RIF1: variants seen among roughly 807,000 people sequenced by gnomAD.
RIF1 encodes the protein telomere-associated protein RIF1.
Under a neutral mutation model 247.1 loss-of-function variants are expected in RIF1, and 45 were observed. The ratio of observed to expected loss-of-function variants is 0.18; its 90% CI spans 0.14 to 0.23. The LOEUF (loss-of-function observed/expected upper bound fraction) is 0.23, where lower values mean the gene tolerates loss of function less well. Ranked by LOEUF, RIF1 falls within the 10% of genes least tolerant of loss-of-function variation. The probability of loss-of-function intolerance (pLI) is 1.00; values close to 1 mark genes in which losing one functional copy is unlikely to be tolerated. For missense variants in RIF1, 2,967 were observed against 2,862.5 expected (o/e 1.04, Z -0.83); for synonymous variants, 1,087 against 978.8 (o/e 1.11, Z -2.06).
chr2:151,526,862 C>G, the RIF1 span: 1 of 1,237,950 alleles, frequency 8.1e-7, no homozygotes, highest in African/African-American at 1.5e-5. Context: ...GGGGACTGTA[C>G]CATGGAAGAT....
chr2:151,426,332 G>A (rs1008085708), intron 8 of RIF1, among the ~76,000 whole-genome samples: 175 of 151,282 alleles, frequency 1.2e-3, no homozygotes, highest in African/African-American at 3.6e-3. Context: ...ACGCCACCAC[G>A]CCCAGCTAAA....
Position 151,465,319 on chromosome 2 carries a change from C to A in RIF1, c.5799C>A (p.Thr1933=), listed in dbSNP as rs1696733534. 1 of 1,613,454 alleles carries A rather than the reference C, an allele frequency of 6.2e-7. No homozygotes were observed. Among genetic ancestry groups the A allele is most frequent in the African/African-American group, 1.3e-5 (1 of 74,840 alleles). The change falls in exon 30 of 36, where the codon ACC becomes ACA. Residue 1933 remains threonine (T), a synonymous_variant. Coordinates refer to ENST00000444746, the MANE Select transcript of RIF1 (RefSeq NM_018151.5). ...NEASFHGQER[T]KTGISEEAAI... ...CTAGCTTTCATGGACAAGAGAGAAC[C>A]AAAACTGGTATTTCTGAAGAAGCAG...
At chr2:151,514,379 G>T in the RIF1 span, 1 of 1,613,812 alleles carries the variant, frequency 6.2e-7, no homozygotes, top group Non-Finnish European at 8.5e-7. Flanking sequence ...TTCCATTTCA[G>T]TGAGGCCCTT....
intron 8 of RIF1, chr2:151,423,405 A>G (rs1000749025): frequency 1.1e-5 from 2 of 179,860 alleles, no homozygotes; most frequent in Non-Finnish European, 2.3e-5. Flanking sequence ...TGGTGGTTTC[A>G]CTGTTTAAAT....
intron 10 of RIF1, among the ~76,000 whole-genome samples, chr2:151,433,822 A>C (rs1014675381): frequency 3.3e-5 from 5 of 152,076 alleles, no homozygotes; most frequent in Non-Finnish European, 5.9e-5. Flanking sequence ...TTTTAAACAA[A>C]GGGTTTTTTC....
the RIF1 span, chr2:151,518,887 A>C: frequency 1.1e-6 from 1 of 873,058 alleles, no homozygotes; most frequent in Non-Finnish European, 1.9e-6. Flanking sequence ...GCAGAGAAGA[A>C]GATGCATCTG....
chr2:151,528,710 A>T, the RIF1 span, among the ~76,000 whole-genome samples: 1 of 152,192 alleles, frequency 6.6e-6, no homozygotes, highest in Non-Finnish European at 1.5e-5. Context: ...GCACAAAATT[A>T]TTTCTGTAGT....
Position 151,465,370 on chromosome 2 carries a change from T to C in RIF1, c.5850T>C (p.Asp1950=), listed in dbSNP as rs144005166. 3 of 1,613,648 alleles carry C rather than the reference T, an allele frequency of 1.9e-6. No individual in the cohort carries two copies. Among genetic ancestry groups the C allele is most frequent in the Non-Finnish European group, 2.5e-6 (3 of 1,179,922 alleles). Residue 1950 remains aspartate, a synonymous_variant, in exon 30 of 36, where the codon GAT becomes GAC. Coordinates refer to ENST00000444746, the MANE Select transcript of RIF1 (RefSeq NM_018151.5). ...EAAIEENKRN[D]DSEADTAKLN... is the part of the protein sequence containing the mutation. ...CAATAGAAGAAAATAAAAGAAATGA[T>C]GACTCTGAAGCAGACACAGCTAAAC...
chr2:151,442,307 C>A (rs183701614), intron 16 of RIF1, among the ~76,000 whole-genome samples: 1 of 150,712 alleles, frequency 6.6e-6, no homozygotes, highest in East Asian at 1.9e-4. Flanking sequence ...CTCCTAACCT[C>A]GGGTGATCCC....
intron 8 of RIF1, among the ~76,000 whole-genome samples, chr2:151,424,799 C>T (rs1688722262): frequency 1.4e-5 from 2 of 145,894 alleles, no homozygotes; most frequent in Non-Finnish European, 3.0e-5. Context: ...CTCCCAATTA[C>T]CTGGGACTAC....
At chr2:151,451,497 T>C in intron 20 of RIF1, 109 bp from the exon 21 acceptor site, 2 of 661,554 alleles carry the variant, frequency 3.0e-6, no homozygotes, top group South Asian at 1.6e-5. Context: ...GCATGTGTGT[T>C]ACATAGGATA....
chr2:151,445,433 G>C lies in RIF1; in HGVS notation c.2082G>C (p.Gln694His). 1 of 1,540,820 alleles carries C rather than the reference G, an allele frequency of 6.5e-7. No individual in the cohort carries two copies. Among genetic ancestry groups the C allele is most frequent in the Non-Finnish European group, 9.0e-7 (1 of 1,113,290 alleles). ...CAGTAAACCACATTTTTTCAGAACA[G>C]AGATTTCCAGTGGTAAGGCATTGTC... is the stretch of plus-strand genomic sequence containing the variant. ...TLPVNHIFSE[Q>H]RFPVATMKTL... is the part of the protein sequence containing the mutation. Residue 694 changes from glutamine (Q) to histidine (H), a missense_variant, in exon 19 of 36, where the codon CAG (glutamine) becomes CAC (histidine). Coordinates refer to ENST00000444746, the MANE Select transcript of RIF1 (RefSeq NM_018151.5).
intron 10 of RIF1, chr2:151,497,890 C>A: frequency 6.7e-7 from 1 of 1,487,982 alleles, no homozygotes; most frequent in Non-Finnish European, 8.9e-7. Flanking sequence ...AATCTGCACC[C>A]TCTAGAGAAG....
At chr2:151,502,600 T>C (rs536560975) in intron 11 of RIF1, among the ~76,000 whole-genome samples, 3 of 152,204 alleles carry the variant, frequency 2.0e-5, no homozygotes, top group East Asian at 3.9e-4. Context: ...GTGATAAATA[T>C]CTATGTTTTA....
intron 11 of RIF1, among the ~76,000 whole-genome samples, chr2:151,501,795 G>T (rs938429489): frequency 2.6e-5 from 4 of 152,080 alleles, no homozygotes; most frequent in Non-Finnish European, 4.4e-5. Context: ...TAATATCCAT[G>T]AGTTGTTGGT....
At position 151,419,570 on chromosome 2, in the gene RIF1, C is replaced by T. The variant is rs201273925; in HGVS notation, c.504-620C>T. On this transcript the variant is annotated intron_variant, in intron 6 of 35. Coordinates refer to ENST00000444746, the MANE Select transcript of RIF1 (RefSeq NM_018151.5). ...CGATCTCCTGACCTCATGATCCACC[C>T]GCCTCGGCCTCCCAAAGTGCTGAGA... Among the ~76,000 whole-genome samples the T allele has an allele frequency of 6.6e-5, 10 of 152,180 alleles. 1 individual carries two copies. The East Asian group carries it at 9.7e-4, about 15-fold the overall frequency.
intron 19 of RIF1, among the ~76,000 whole-genome samples, chr2:151,446,038 C>G (rs965495821): frequency 6.6e-6 from 1 of 152,134 alleles, no homozygotes; most frequent in Non-Finnish European, 1.5e-5. Flanking sequence ...GACAGTTTCA[C>G]TCTTGTTGCC....
rs1696338516 is a variant in RIF1 at position 151,462,477 on chromosome 2, C to T, written c.3363+11C>T. 1 of 1,540,842 alleles carries T rather than the reference C, an allele frequency of 6.5e-7. No homozygotes were observed. The highest frequency in any genetic ancestry group is 1.4e-5 in the African/African-American group (1 of 72,526). The stretch of plus-strand genomic sequence containing the variant: ...AAGATGATGATTACGGTATGTTTGA[C>T]ATTTCATATTTTGGGCTTTTTAGAA... On this transcript the variant is annotated intron_variant, in intron 29 of 35. Transcript: ENST00000444746.
At chr2:151,486,008 TCTCTC>T (rs2050013135), downstream of RIF1, 2 of 1,463,794 alleles carry the variant, frequency 1.4e-6, no homozygotes, top group African/African-American at 1.4e-5. Context: ...ATTTGTAAGA[TCTCTC>T]ATGACTGACT....
Sources: allele counts gnomAD v4.1 joint callset (sites outside exome capture counted in the v4.1 genomes callset), GRCh38; gene constraint gnomAD v4.1.1; transcripts MANE v1.5; gene names NCBI Gene and HGNC (gene_info 2026-07-23, HGNC 2026-07-21).